The following EYS variants were observed in gnomAD, a reference collection of about 807,000 sequenced individuals.
The protein encoded by EYS is EGF-like photoreceptor maintenance factor, also known as protein eyes shut homolog.
A neutral mutation model predicts 282.1 loss-of-function variants in EYS; 250 were observed. The ratio of observed to expected loss-of-function variants is 0.89; its 90% CI spans 0.80 to 0.98. The LOEUF is 0.98. EYS is among the 50% of genes least tolerant of loss of function. The pLI is 0.00. For synonymous variants in EYS, 1,355 were observed against 1,282.9 expected (o/e 1.06, Z -1.20); for missense variants, 4,016 against 3,709.0 (o/e 1.08, Z -2.15).
chr6:64,309,662 A>G (rs1769596222), intron 29 of EYS, among the ~76,000 whole-genome samples: 1 of 152,092 alleles, frequency 6.6e-6, no homozygotes, highest in Non-Finnish European at 1.5e-5. Context: ...GTGGCCAAAA[A>G]TCATGTAAAA....
intron 30 of EYS, among the ~76,000 whole-genome samples, chr6:64,283,419 CAA>C (rs1032641043): frequency 9.2e-5 from 14 of 152,050 alleles, no homozygotes; most frequent in African/African-American, 3.1e-4. Context: ...TCTGTGATGG[CAA>C]AGATTTTAGT....
chr6:65,525,970 C>A (rs1767543660), intron 2 of EYS, among the ~76,000 whole-genome samples: 1 of 152,166 alleles, frequency 6.6e-6, no homozygotes. Flanking sequence ...GCTATAATTA[C>A]AAATTACCCT....
chr6:64,482,238 T>G (rs976448259), intron 26 of EYS, among the ~76,000 whole-genome samples: 9 of 151,690 alleles, frequency 5.9e-5, no homozygotes, highest in Admixed American at 5.3e-4. Context: ...CCATTCCTGA[T>G]CCACTCACTT....
intron 37 of EYS, chr6:63,797,181 T>C (rs1770667624): frequency 6.6e-6 from 1 of 152,220 alleles, no homozygotes; most frequent in Non-Finnish European, 1.5e-5. Flanking sequence ...TGAGTTTCAG[T>C]TGTCTTTTCA....
intron 33 of EYS, among the ~76,000 whole-genome samples, chr6:64,057,149 A>G (rs1254611317): frequency 6.6e-6 from 1 of 152,200 alleles, no homozygotes; most frequent in Non-Finnish European, 1.5e-5. Context: ...CAATACCAGT[A>G]CCTGTCTATG....
At chr6:64,877,035 A>ATGTCATAT in intron 19 of EYS, among the ~76,000 whole-genome samples, 1 of 152,296 alleles carries the variant, frequency 6.6e-6, no homozygotes, top group Non-Finnish European at 1.5e-5. Context: ...ACAAATTAAG[A>ATGTCATAT]TGTCATATTT....
intron 14 of EYS, among the ~76,000 whole-genome samples, chr6:64,977,559 T>C (rs535682197): frequency 6.6e-6 from 1 of 151,838 alleles, no homozygotes; most frequent in South Asian, 2.1e-4. Flanking sequence ...ATGTCTCACT[T>C]TAAATCAAAA....
chr6:65,141,729 A>T (rs957674428), intron 12 of EYS, among the ~76,000 whole-genome samples: 4 of 151,574 alleles, frequency 2.6e-5, no homozygotes, highest in Non-Finnish European at 5.9e-5. Flanking sequence ...TATGAGTAAA[A>T]CAATTTAATT....
Position 63,720,325 on chromosome 6 carries a change from A to G in EYS, c.*271T>C, listed in dbSNP as rs1768323383. On this transcript the variant is annotated 3_prime_UTR_variant, in exon 43 of 43. Transcript: ENST00000503581. ...AGCATTAGGGATAGGTAAAAAGTGA[A>G]TAAGCAAAGTGAATAAGCACATTCT... is the stretch of plus-strand genomic sequence containing the variant. The G allele has an allele frequency of 5.0e-6, 2 of 403,314 alleles. No homozygotes were observed. Among genetic ancestry groups the G allele is most frequent in the African/African-American group, 2.1e-5 (1 of 48,412 alleles). 25.0% of individuals were successfully genotyped at this position (403,314 alleles called of 1,614,324 possible).
At chr6:64,151,341 A>G (rs868297402) in intron 31 of EYS, among the ~76,000 whole-genome samples, 6 of 114,208 alleles carry the variant, frequency 5.3e-5, no homozygotes, top group South Asian at 2.4e-4. Context: ...ATATATATAT[A>G]TATATATATA....
intron 35 of EYS, among the ~76,000 whole-genome samples, chr6:63,921,102 T>G (rs898419236): frequency 1.3e-5 from 2 of 152,212 alleles, no homozygotes; most frequent in Admixed American, 6.5e-5. Flanking sequence ...TTCACCGTGT[T>G]AACCAGGATG....
chr6:63,950,922 T>C (rs1765567105), intron 35 of EYS, among the ~76,000 whole-genome samples: 1 of 152,060 alleles, frequency 6.6e-6, no homozygotes, highest in Non-Finnish European at 1.5e-5. Context: ...TGTCACATAC[T>C]TGGGAAGACA....
chr6:63,985,194 C>A (rs1218844830), intron 34 of EYS, among the ~76,000 whole-genome samples: 1 of 151,614 alleles, frequency 6.6e-6, no homozygotes, highest in Non-Finnish European at 1.5e-5. Context: ...TATAAAGAAG[C>A]TTGGATACAG....
At chr6:64,214,164 T>G (rs1181369699) in intron 31 of EYS, among the ~76,000 whole-genome samples, 1 of 152,138 alleles carries the variant, frequency 6.6e-6, no homozygotes, top group African/African-American at 2.4e-5. Context: ...TCACCTTGGC[T>G]TTTGCCTTCT....
At chr6:64,442,480 C>T (rs1774980553) in intron 26 of EYS, among the ~76,000 whole-genome samples, 1 of 152,146 alleles carries the variant, frequency 6.6e-6, no homozygotes, top group African/African-American at 2.4e-5. Context: ...TAATGAGAAG[C>T]CAAATGTTAA....
chr6:64,813,385 C>A lies in EYS; in HGVS notation c.3436G>T (p.Asp1146Tyr). The A allele has an allele frequency of 6.5e-7, 1 of 1,541,586 alleles. No homozygotes were observed. Among genetic ancestry groups the A allele is most frequent in the South Asian group, 1.2e-5 (1 of 81,878 alleles). The change falls in exon 22 of 43, where the codon GAC (aspartate) becomes TAC (tyrosine). Residue 1146 changes from aspartate to tyrosine, a missense_variant. Coordinates refer to ENST00000503581, the MANE Select transcript of EYS (RefSeq NM_001142800.2). ...GGGTAAATAAATACTGACCTGCAGT[C>A]AAAAGTATGTCCAGGCCCATCAACA... Reference protein sequence around the residue: ...ICVDGPGHTFDCRCLPGFSGQ... With the variant: ...ICVDGPGHTFYCRCLPGFSGQ...
At chr6:64,815,256 A>G (rs753115652) in intron 21 of EYS, 2 of 460,660 alleles carry the variant, frequency 4.3e-6, no homozygotes, top group East Asian at 6.3e-5. Context: ...AACCAAGAGC[A>G]CATAGTAGAC....
At chr6:64,950,792 C>CAT (rs762177788) in intron 14 of EYS, among the ~76,000 whole-genome samples, 904 of 60,604 alleles carry the variant, frequency 0.015, 16 homozygotes, top group African/African-American at 0.02. Flanking sequence ...TACACATATA[C>CAT]ATATACATAT....
intron 31 of EYS, among the ~76,000 whole-genome samples, chr6:64,164,974 C>T (rs144475948): frequency 4.2e-4 from 64 of 152,182 alleles, no homozygotes; most frequent in African/African-American, 1.5e-3. Flanking sequence ...CTTTCACTCT[C>T]TGAGTTAAAT....
Sources: gnomAD v4.1 joint callset for allele counts (sites outside exome capture counted in the v4.1 genomes callset) on GRCh38, gnomAD v4.1.1 for gene constraint, MANE v1.5 for transcripts, NCBI Gene and HGNC (gene_info 2026-07-23, HGNC 2026-07-21) for gene names.